Variants in TSPAN11 observed in about 807,000 individuals in gnomAD.
TSPAN11 encodes the protein tetraspanin-11.
A neutral mutation model predicts 32.9 loss-of-function variants in TSPAN11; 29 were observed. The ratio of observed to expected loss-of-function variants is 0.88; its 90% confidence interval spans 0.66 to 1.20. The LOEUF (loss-of-function observed/expected upper bound fraction) is 1.20, where lower values mean the gene tolerates loss of function less well. TSPAN11 is among the 50% of genes most tolerant of loss of function. The probability of loss-of-function intolerance (pLI) is 0.00; values close to 1 mark genes in which losing one functional copy is unlikely to be tolerated. For synonymous variants in TSPAN11, 140 were observed against 141.3 expected (o/e 0.99, Z 0.07); for missense variants, 283 against 329.1 (o/e 0.86, Z 1.08).
chr12:30,998,431 G>A (rs1233865840), downstream of TSPAN11, among the ~76,000 whole-genome samples: 4 of 152,248 alleles, frequency 2.6e-5, no homozygotes, highest in Non-Finnish European at 5.9e-5. Context: ...TGAAGAGAGA[G>A]AGGCCACCCA....
intron 3 of TSPAN11, among the ~76,000 whole-genome samples, chr12:30,974,335 C>G (rs1056384590): frequency 6.6e-6 from 1 of 152,206 alleles, no homozygotes; most frequent in East Asian, 1.9e-4. Flanking sequence ...TTCTTCACTG[C>G]GGGAGACTGC....
At position 30,983,103 on chromosome 12, in the gene TSPAN11, C is replaced by T. The variant is rs150702989; in HGVS notation, c.655C>T (p.His219Tyr). Residue 219 changes from histidine (H) to tyrosine (Y), a missense_variant, in exon 7 of 8, where the codon CAC becomes TAC. By Grantham distance (83) the His-to-Tyr change is moderately conservative. Coordinates refer to ENST00000546076, the MANE Select transcript of TSPAN11 (RefSeq NM_001370302.1). ...CAAGCTGGAGCAGTTCCTGGCCGAC[C>T]ACCTGCTGCTTATGGGGGCAGTGGG... ...LTKLEQFLADHLLLMGAVGIG... is the reference protein window; with the variant it reads ...LTKLEQFLADYLLLMGAVGIG... 2.9e-4 allele frequency: 471 copies of T among 1,613,348 alleles called. No individual in the cohort carries two copies. Among genetic ancestry groups the T allele is most frequent in the Non-Finnish European group, 3.5e-4 (415 of 1,179,966 alleles).
At position 30,956,591 on chromosome 12, in the gene TSPAN11, T is replaced by G. The variant is rs114456194; in HGVS notation, c.84+2516T>G. On this transcript the variant is annotated intron_variant, in intron 2 of 7. Coordinates refer to ENST00000546076, the MANE Select transcript of TSPAN11 (RefSeq NM_001370302.1). ...GAATTTCAGTTAAGCTGATGTCGAT[T>G]GGATGATCCTACAAAGCAGGGAAGG... 3.2e-3 allele frequency among the ~76,000 whole-genome samples: 491 copies of G among 152,214 alleles called. 6 individuals carry two copies. The highest frequency in any genetic ancestry group is 9.3e-3 in the African/African-American group (387 of 41,528).
At chr12:30,985,897 C>G (rs1939192322) in intron 7 of TSPAN11, among the ~76,000 whole-genome samples, 1 of 152,276 alleles carries the variant, frequency 6.6e-6, no homozygotes, top group Non-Finnish European at 1.5e-5. Context: ...GCAGTCTGTT[C>G]CTTCGCCGTT....
downstream of TSPAN11, among the ~76,000 whole-genome samples, chr12:30,999,466 G>A (rs530969028): frequency 6.6e-6 from 1 of 152,260 alleles, no homozygotes; most frequent in African/African-American, 2.4e-5. Flanking sequence ...CCTTAAACGT[G>A]CTCAGAACAA....
intron 7 of TSPAN11, among the ~76,000 whole-genome samples, chr12:30,988,215 A>C (rs1284339578): frequency 1.3e-5 from 2 of 152,206 alleles, no homozygotes; most frequent in African/African-American, 2.4e-5. Flanking sequence ...CCACCCGATC[A>C]GACTCTTCCA....
intron 3 of TSPAN11, among the ~76,000 whole-genome samples, chr12:30,966,371 G>A (rs73286471): frequency 0.018 from 2,733 of 152,248 alleles, 86 homozygotes; most frequent in African/African-American, 0.062. Flanking sequence ...CAGCAGGTGC[G>A]CACAGTCTGC....
intron 2 of TSPAN11, among the ~76,000 whole-genome samples, chr12:30,959,801 C>T (rs1251256108): frequency 2.1e-5 from 3 of 144,138 alleles, no homozygotes; most frequent in African/African-American, 7.6e-5. Context: ...AAAAAAAAAC[C>T]GAGGTGTGGG....
chr12:30,970,591 C>G (rs1187752890), intron 3 of TSPAN11, among the ~76,000 whole-genome samples: 1 of 152,174 alleles, frequency 6.6e-6, no homozygotes, highest in Non-Finnish European at 1.5e-5. Context: ...GCACCCTAGC[C>G]CTGGCCCCCT....
the TSPAN11 span, among the ~76,000 whole-genome samples, chr12:31,008,667 C>A: frequency 6.6e-6 from 1 of 152,254 alleles, no homozygotes; most frequent in African/African-American, 2.4e-5. Flanking sequence ...TCCTGGGAGG[C>A]AGCCCGCTTT....
chr12:30,955,677 C>T (rs1335670510), intron 2 of TSPAN11, among the ~76,000 whole-genome samples: 1 of 152,162 alleles, frequency 6.6e-6, no homozygotes, highest in East Asian at 1.9e-4. Context: ...CTTTCCTCGC[C>T]TCACCCCAGC....
downstream of TSPAN11, among the ~76,000 whole-genome samples, chr12:31,001,378 C>G (rs1437312061): frequency 2.0e-5 from 3 of 152,148 alleles, no homozygotes. Context: ...CCTCCTTCTC[C>G]CCAGGTTGGG....
At chr12:31,010,399 T>C in the TSPAN11 span, among the ~76,000 whole-genome samples, 15 of 152,182 alleles carry the variant, frequency 9.9e-5, 1 homozygote, top group Admixed American at 9.2e-4. Context: ...ATCAGAATCA[T>C]TACTTCTGAG....
At chr12:30,945,336 G>A (rs1177356610) in intron 1 of TSPAN11, among the ~76,000 whole-genome samples, 1 of 152,186 alleles carries the variant, frequency 6.6e-6, no homozygotes, top group African/African-American at 2.4e-5. Context: ...GCTCCTGAAG[G>A]AGTAAGTCCA....
chr12:30,946,604 C>T (rs1000042764), intron 1 of TSPAN11, among the ~76,000 whole-genome samples: 19 of 152,170 alleles, frequency 1.2e-4, no homozygotes, highest in African/African-American at 1.4e-4. Flanking sequence ...TCCTGGGCAC[C>T]GGGTGCTGCT....
At chr12:30,950,758 C>A (rs1365130978) in intron 1 of TSPAN11, among the ~76,000 whole-genome samples, 1 of 152,138 alleles carries the variant, frequency 6.6e-6, no homozygotes, top group Non-Finnish European at 1.5e-5. Context: ...CAGCTCATGG[C>A]CCAGGATGGC....
chr12:30,974,636 C>T (rs1938922656), intron 3 of TSPAN11, among the ~76,000 whole-genome samples: 2 of 152,246 alleles, frequency 1.3e-5, no homozygotes, highest in South Asian at 4.1e-4. Flanking sequence ...CTAGACCCAG[C>T]ACCATACCAG....
intron 2 of TSPAN11, among the ~76,000 whole-genome samples, chr12:30,960,120 CTGTG>C (rs1464288677): frequency 6.4e-5 from 1 of 15,532 alleles, no homozygotes; most frequent in African/African-American, 2.4e-4. Flanking sequence ...CCTGTGGTGT[CTGTG>C]GGTGGGTGGG....
Position 30,964,010 on chromosome 12 carries a change from T to C in TSPAN11, c.269T>C (p.Leu90Pro). ...GAILWERKGC[L>P]STYFCLLLVI... is the part of the protein sequence containing the mutation. ...ATCCTCTGGGAGCGGAAGGGCTGCC[T>C]CTCCACGGTCAGTGCCCGCCCTGTG... Residue 90 changes from leucine (L) to proline (P), a missense_variant, in exon 3 of 8, where the codon CTC becomes CCC. Transcript: ENST00000546076. 6.2e-7 allele frequency: 1 copy of C among 1,613,198 alleles called. No individual in the cohort carries two copies. Among genetic ancestry groups the C allele is most frequent in the Non-Finnish European group, 8.5e-7 (1 of 1,179,854 alleles).
Sources: allele counts gnomAD v4.1 joint callset (sites outside exome capture counted in the v4.1 genomes callset), GRCh38; gene constraint gnomAD v4.1.1; transcripts MANE v1.5; gene names NCBI Gene and HGNC (gene_info 2026-07-23, HGNC 2026-07-21).